The following GLDN variants were observed in gnomAD, a reference collection of about 807,000 sequenced individuals.
The protein encoded by GLDN is collomin.
GLDN carries 47 observed loss-of-function variants against 56.5 expected under a neutral mutation model. That is an observed-to-expected ratio of 0.83 (90% CI 0.66 to 1.06). The LOEUF is 1.06. GLDN is among the 50% of genes least tolerant of loss of function. GLDN has a pLI of 0.00. For missense variants in GLDN, 782 were observed against 714.3 expected (o/e 1.09, Z -1.08); for synonymous variants, 332 against 278.8 (o/e 1.19, Z -1.90).
chr15:51,410,005 G>A (rs2038448862), downstream of GLDN, among the ~76,000 whole-genome samples: 1 of 152,168 alleles, frequency 6.6e-6, no homozygotes, highest in Non-Finnish European at 1.5e-5. Context: ...ACCTTCTGGA[G>A]CAGATACACA....
downstream of GLDN, among the ~76,000 whole-genome samples, chr15:51,408,865 C>A (rs2038433446): frequency 6.6e-6 from 1 of 152,030 alleles, no homozygotes; most frequent in Non-Finnish European, 1.5e-5. Context: ...ATGAACTCAT[C>A]CTTTTTTATG....
At chr15:51,389,797 A>G (rs778993999) in intron 4 of GLDN, among the ~76,000 whole-genome samples, 33 of 152,148 alleles carry the variant, frequency 2.2e-4, no homozygotes, top group Non-Finnish European at 3.8e-4. Context: ...ACAGGTTATG[A>G]GGCTACCCCT....
At chr15:51,385,861 G>A (rs553662049) in intron 4 of GLDN, among the ~76,000 whole-genome samples, 1 of 152,308 alleles carries the variant, frequency 6.6e-6, no homozygotes, top group Admixed American at 6.5e-5. Flanking sequence ...GATCAGAGAG[G>A]TAACCAGGCC....
intron 1 of GLDN, among the ~76,000 whole-genome samples, chr15:51,362,989 G>A (rs1157779412): frequency 3.9e-5 from 6 of 152,190 alleles, no homozygotes; most frequent in Admixed American, 6.5e-5. Flanking sequence ...AGGACTTCAA[G>A]GTTAGTGGCT....
intron 8 of GLDN, among the ~76,000 whole-genome samples, chr15:51,400,948 C>T (rs1391402913): frequency 6.6e-6 from 1 of 152,186 alleles, no homozygotes; most frequent in East Asian, 1.9e-4. Flanking sequence ...GGTGAAGTTC[C>T]ACCTTGCAGT....
chr15:51,368,600 G>C (rs1209481056), intron 1 of GLDN, among the ~76,000 whole-genome samples: 1 of 151,202 alleles, frequency 6.6e-6, no homozygotes, highest in Non-Finnish European at 1.5e-5. Flanking sequence ...ATAAAAATTA[G>C]GTCAAGTTAG....
rs769074572 is a variant in GLDN, at chr15:51,383,398, G to A, written c.416-38G>A. On this transcript the variant is annotated intron_variant, in intron 2 of 9. Transcript: ENST00000335449. ...GGGGTGCTCTTTGTTTTCTGGGTTC[G>A]GTGCTGGTTTCTCAACTAAATTTTT... The A allele has an allele frequency of 2.2e-5, 35 of 1,612,482 alleles. No individual in the cohort carries two copies. In the East Asian group the frequency reaches 5.1e-4, roughly 24 times the overall value.
At chr15:51,353,199 T>C (rs2037107255) in intron 1 of GLDN, among the ~76,000 whole-genome samples, 2 of 152,052 alleles carry the variant, frequency 1.3e-5, no homozygotes, top group African/African-American at 4.8e-5. Context: ...CCCTGTGGTT[T>C]CATCCCTGAC....
chr15:51,408,107 C>T (rs1003688721), downstream of GLDN: 4 of 152,334 alleles, frequency 2.6e-5, no homozygotes, highest in East Asian at 3.9e-4. Flanking sequence ...ATATTAGTTG[C>T]TCCTCTGTGG....
intron 1 of GLDN, among the ~76,000 whole-genome samples, chr15:51,362,534 G>C (rs8031311): frequency 3.3e-5 from 5 of 151,326 alleles, no homozygotes; most frequent in African/African-American, 9.7e-5. Flanking sequence ...AAGATGATTG[G>C]GTTGGGTGGG....
At chr15:51,384,034 C>A in intron 4 of GLDN, 142 bp downstream of exon 4, 2 of 731,084 alleles carry the variant, frequency 2.7e-6, no homozygotes, top group East Asian at 2.7e-5. Flanking sequence ...ACCTAGAAGC[C>A]ATTGCGTTCC....
intron 4 of GLDN, 109 bp downstream of exon 4, chr15:51,384,001 A>G (rs1419007428): frequency 1.2e-6 from 1 of 854,538 alleles, no homozygotes; most frequent in Admixed American, 2.0e-5. Context: ...ATCTCTGCAC[A>G]GTTTAAGGCC....
intron 1 of GLDN, among the ~76,000 whole-genome samples, chr15:51,353,732 A>AC (rs1227572285): frequency 6.9e-6 from 1 of 144,282 alleles, no homozygotes; most frequent in African/African-American, 2.7e-5. Flanking sequence ...AAAAAAAAAA[A>AC]AACCACAGTC....
In GLDN at chr15:51,394,884, C is replaced by A. The variant is rs768947198; in HGVS notation, c.591C>A (p.Asp197Glu). The A allele has an allele frequency of 3.1e-6, 5 of 1,613,532 alleles. No individual in the cohort carries two copies. The highest frequency in any genetic ancestry group is 1.3e-5 in the African/African-American group (1 of 74,982). The change falls in exon 5 of 10, where the codon GAC (aspartate) becomes GAA (glutamate). Residue 197 changes from aspartate (D) to glutamate (E), a missense_variant. Transcript: ENST00000335449. Reference sequence around the variant, plus strand: ...CAGGGGAAAGGGGAGAAAAGGGAGACCATGGTGAACTGGGCCTGCAGGGAA... The same window carrying A: ...CAGGGGAAAGGGGAGAAAAGGGAGAACATGGTGAACTGGGCCTGCAGGGAA... Reference protein sequence around the residue: ...GNPGERGEKGDHGELGLQGNE... With the variant: ...GNPGERGEKGEHGELGLQGNE...
intron 1 of GLDN, among the ~76,000 whole-genome samples, chr15:51,354,102 C>G (rs2037130147): frequency 1.3e-5 from 2 of 152,204 alleles, no homozygotes; most frequent in Admixed American, 6.5e-5. Flanking sequence ...AAAGATCGTT[C>G]AAAATGCAAT....
At chr15:51,372,098 G>A (rs1195071287) in intron 1 of GLDN, among the ~76,000 whole-genome samples, 1 of 152,174 alleles carries the variant, frequency 6.6e-6, no homozygotes, top group Non-Finnish European at 1.5e-5. Context: ...GTGAGACAGA[G>A]CATCACATAG....
chr15:51,378,651 T>A (rs1447411366), intron 2 of GLDN, among the ~76,000 whole-genome samples: 2 of 152,150 alleles, frequency 1.3e-5, no homozygotes, highest in African/African-American at 2.4e-5. Context: ...GTGGGTTGAG[T>A]AGGTTTTTCT....
chr15:51,390,770 C>A (rs764191720), intron 4 of GLDN, among the ~76,000 whole-genome samples: 1 of 152,050 alleles, frequency 6.6e-6, no homozygotes. Context: ...TTTGAGTGGG[C>A]GACACCAGAG....
chr15:51,389,901 A>T (rs975482375), intron 4 of GLDN, among the ~76,000 whole-genome samples: 1 of 152,182 alleles, frequency 6.6e-6, no homozygotes, highest in Admixed American at 6.5e-5. Flanking sequence ...CATATGCAGG[A>T]GGCAACCAGG....
Sources: allele counts gnomAD v4.1 joint callset (sites outside exome capture counted in the v4.1 genomes callset), GRCh38; gene constraint gnomAD v4.1.1; transcripts MANE v1.5; gene names NCBI Gene and HGNC (gene_info 2026-07-23, HGNC 2026-07-21).